Variants in EPS8L2 observed in about 807,000 individuals in gnomAD.
EPS8L2 encodes the protein epidermal growth factor receptor kinase substrate 8-like protein 2.
EPS8L2 carries 81 observed loss-of-function variants against 99.4 expected under a neutral mutation model. The ratio of observed to expected loss-of-function variants is 0.82; its 90% CI spans 0.68 to 0.98. The LOEUF (loss-of-function observed/expected upper bound fraction) is 0.98, where lower values mean the gene tolerates loss of function less well. EPS8L2 is among the 50% of genes least tolerant of loss of function. The probability of loss-of-function intolerance (pLI) is 0.00; values close to 1 mark genes in which losing one functional copy is unlikely to be tolerated. For missense variants in EPS8L2, 1,155 were observed against 968.8 expected (o/e 1.19, Z -2.55); for synonymous variants, 509 against 407.3 (o/e 1.25, Z -3.01).
chr11:710,076 G>C, intron 3 of EPS8L2: 1 of 367,538 alleles, frequency 2.7e-6, no homozygotes, highest in South Asian at 3.0e-5. Flanking sequence ...GGAGAGTGAA[G>C]CTGGCAGCTC....
intron 3 of EPS8L2, chr11:709,883 G>C (rs911491954): frequency 1.8e-6 from 1 of 545,930 alleles, no homozygotes; most frequent in Admixed American, 3.2e-5. Context: ...TGATCACAGC[G>C]AGGTTCAGGC....
In EPS8L2 at chr11:709,588, T is replaced by C. The variant is rs143833069; in HGVS notation, c.80T>C (p.Met27Thr). The C allele has an allele frequency of 2.4e-4, 393 of 1,612,998 alleles. No homozygotes were observed. The highest frequency in any genetic ancestry group is 3.2e-4 in the Non-Finnish European group (379 of 1,179,952). ...GGCCGGTCCGACGGTGTGGCCAAGATGAGCCCCAAGGACCTGTTTGGTGAG... is the reference window on the plus strand; with the variant it reads ...GGCCGGTCCGACGGTGTGGCCAAGACGAGCCCCAAGGACCTGTTTGGTGAG... Reference protein sequence around the residue: ...SLGRSDGVAKMSPKDLFEQRK... With the variant: ...SLGRSDGVAKTSPKDLFEQRK... The change falls in exon 3 of 21, where the codon ATG becomes ACG. Residue 27 changes from methionine to threonine, a missense_variant. By Grantham distance (81) the Met-to-Thr change is moderately conservative (BLOSUM62 -1). Coordinates refer to ENST00000318562, the MANE Select transcript of EPS8L2 (RefSeq NM_022772.4).
At chr11:707,694 G>A (rs1391787668) in intron 1 of EPS8L2, among the ~76,000 whole-genome samples, 1 of 151,942 alleles carries the variant, frequency 6.6e-6, no homozygotes, top group Non-Finnish European at 1.5e-5. Context: ...CCCCACTGCT[G>A]CCCGGCCCTG....
intron 4 of EPS8L2, among the ~76,000 whole-genome samples, chr11:717,534 T>C (rs773002217): frequency 1.2e-4 from 18 of 152,062 alleles, no homozygotes; most frequent in Non-Finnish European, 1.5e-4. Flanking sequence ...TCCTAACCCA[T>C]AAGTAAAACC....
rs1240472280 is a variant in EPS8L2 at position 709,403 on chromosome 11, A to G, written c.-5A>G. On this transcript the variant is annotated 5_prime_UTR_variant, in exon 2 of 21. Coordinates refer to ENST00000318562, the MANE Select transcript of EPS8L2 (RefSeq NM_022772.4). ...CTTCTCCCGCTGGCCGCCACCCAAG[A>G]CACCATGAGCCAGTCCGGGGCCGTG... is the stretch of plus-strand genomic sequence containing the variant. The G allele has an allele frequency of 2.5e-6, 4 of 1,583,268 alleles. No homozygotes were observed. Among genetic ancestry groups the G allele is most frequent in the Non-Finnish European group, 2.6e-6 (3 of 1,166,398 alleles).
chr11:717,152 T>A (rs1401178378), intron 4 of EPS8L2, among the ~76,000 whole-genome samples: 4 of 152,108 alleles, frequency 2.6e-5, no homozygotes, highest in Non-Finnish European at 5.9e-5. Flanking sequence ...AATTTTTGTA[T>A]TTTTAGTAGA....
Position 719,689 on chromosome 11 carries a change from A to G in EPS8L2, c.166-373A>G, listed in dbSNP as rs1459865848. The stretch of plus-strand genomic sequence containing the variant: ...AATTAGGGCAGGTCGGGATGGGGTG[A>G]CGGCTGGCATTGTAGCCAGGTGGCC... On this transcript the variant is annotated intron_variant, in intron 4 of 20. Coordinates refer to ENST00000318562, the MANE Select transcript of EPS8L2 (RefSeq NM_022772.4). 3.3e-5 allele frequency among the ~76,000 whole-genome samples: 5 copies of G among 152,332 alleles called. No homozygotes were observed. In the East Asian group the frequency reaches 9.7e-4, roughly 29 times the overall value.
chr11:717,469 G>A (rs575253193), intron 4 of EPS8L2, among the ~76,000 whole-genome samples: 1 of 152,364 alleles, frequency 6.6e-6, no homozygotes, highest in African/African-American at 2.4e-5. Flanking sequence ...AGGTGCCACT[G>A]GCCTCTCCCC....
At position 721,885 on chromosome 11, in the gene EPS8L2, C is replaced by A; in HGVS notation, c.896-18C>A. ...GAGATCAGGGCCAGCCTGGCTCACG[C>A]GGTGCCTCCCATGCCAGAGGGCGTC... is the stretch of plus-strand genomic sequence containing the variant. On this transcript the variant is annotated intron_variant, in intron 10 of 20. Coordinates refer to ENST00000318562, the MANE Select transcript of EPS8L2 (RefSeq NM_022772.4). 1.3e-6 allele frequency: 2 copies of A among 1,571,344 alleles called. No homozygotes were observed. Among genetic ancestry groups the A allele is most frequent in the Middle Eastern group, 1.8e-4 (1 of 5,466 alleles).
chr11:722,526 G>A lies in EPS8L2; in HGVS notation c.1185G>A (p.Leu395=), dbSNP rs373466148. ...AGGAGATGTCGCTGTGGGAGTCACT[G>A]GGAGAGAGCTGGATGCGGCCCCGGT... ...VPKEMSLWES[L]GESWMRPRSE... The change falls in exon 13 of 21, where the codon CTG becomes CTA. Residue 395 remains leucine (L), a synonymous_variant. Transcript: ENST00000318562. 1.7e-5 allele frequency: 28 copies of A among 1,613,130 alleles called. No individual in the cohort carries two copies. The highest frequency in any genetic ancestry group is 2.7e-5 in the African/African-American group (2 of 74,898).
intron 4 of EPS8L2, among the ~76,000 whole-genome samples, chr11:718,521 T>C (rs911684688): frequency 2.6e-5 from 4 of 151,084 alleles, no homozygotes; most frequent in African/African-American, 4.9e-5. Context: ...GGTCTCTCTC[T>C]GTTGCCCAGG....
chr11:720,966 G>GGGAGGGGAGGAGCCCGGCAGT, intron 7 of EPS8L2, 57 bp downstream of exon 7: 1 of 1,300,350 alleles, frequency 7.7e-7, no homozygotes, highest in South Asian at 1.3e-5. Flanking sequence ...AGCCCGGCAG[G>GGGAGGGGAGGAGCCCGGCAGT]GGAGGGGAGG....
intron 4 of EPS8L2, among the ~76,000 whole-genome samples, chr11:714,820 T>C (rs1213107334): frequency 6.6e-6 from 1 of 152,052 alleles, no homozygotes; most frequent in Non-Finnish European, 1.5e-5. Flanking sequence ...GTTAGGGGTA[T>C]TTTGTGTTGA....
Position 709,459 on chromosome 11 carries a change from C to CCA in EPS8L2, c.44+8_44+9insCA. 1 of 1,576,486 alleles carries CCA rather than the reference C, an allele frequency of 6.3e-7. No individual in the cohort carries two copies. Among genetic ancestry groups the CCA allele is most frequent in the Non-Finnish European group, 8.7e-7 (1 of 1,154,148 alleles). ...CTGCCCGGGTGCCACCAAGTGAGCC[C>CCA]TCCCACCCATCCCGAATACCCCACC... is the stretch of plus-strand genomic sequence containing the variant. On this transcript the variant is annotated intron_variant, in intron 2 of 20. Coordinates refer to ENST00000318562, the MANE Select transcript of EPS8L2 (RefSeq NM_022772.4).
rs1172111862 is a variant in EPS8L2 at position 722,568 on chromosome 11, G to C, written c.1208+19G>C. ...GGCCCCGGTAGGGCAGGGCAGAGCA[G>C]TGCCGGGGCTTCATGGGGGGCCAGC... On this transcript the variant is annotated intron_variant, in intron 13 of 20. Coordinates refer to ENST00000318562, the MANE Select transcript of EPS8L2 (RefSeq NM_022772.4). The C allele has an allele frequency of 6.2e-7, 1 of 1,612,254 alleles. No individual in the cohort carries two copies. The highest frequency in any genetic ancestry group is 1.3e-5 in the African/African-American group (1 of 74,856).
In EPS8L2 at chr11:724,716, C is replaced by T. The variant is rs2133537224; in HGVS notation, c.1455-8C>T. ...AGACTGGGCCTCAGCCCCTCCTGTT[C>T]CTCACAGGGGCTACCAGCCAACACC... On this transcript the variant is annotated splice_region_variant and splice_polypyrimidine_tract_variant and intron_variant, in intron 15 of 20. Coordinates refer to ENST00000318562, the MANE Select transcript of EPS8L2 (RefSeq NM_022772.4). This position sits in a 1 kb window ranked among gnomAD's most constrained non-coding sequence, Gnocchi z 5.5. 2 of 1,606,188 alleles carry T rather than the reference C, an allele frequency of 1.2e-6. No homozygotes were observed. The highest frequency in any genetic ancestry group is 1.7e-5 in the Admixed American group (1 of 60,002).
Position 726,632 on chromosome 11 carries a change from C to T in EPS8L2, c.1948C>T (p.Leu650=), listed in dbSNP as rs1862335230. 3.2e-6 allele frequency: 5 copies of T among 1,553,636 alleles called. No homozygotes were observed. Among genetic ancestry groups the T allele is most frequent in the Non-Finnish European group, 3.5e-6 (4 of 1,149,094 alleles). Residue 650 remains leucine (L), a synonymous_variant, in exon 20 of 21, where the codon CTG becomes TTG. Transcript: ENST00000318562. ...GCCCGCCCCCAGGATCGTGGAGAACCTGGGCATCCTGACCGGGCCGCAGCT... is the reference window on the plus strand; with the variant it reads ...GCCCGCCCCCAGGATCGTGGAGAACTTGGGCATCCTGACCGGGCCGCAGCT... ...KAFSPRIVEN[L]GILTGPQLFS...
chr11:725,766 C>G lies in EPS8L2; in HGVS notation c.1599C>G (p.Ser533Arg). 2 of 1,353,426 alleles carry G rather than the reference C, an allele frequency of 1.5e-6. No homozygotes were observed. Among genetic ancestry groups the G allele is most frequent in the Non-Finnish European group, 1.9e-6 (2 of 1,055,828 alleles). 83.8% of individuals were successfully genotyped at this position (1,353,426 alleles called of 1,614,324 possible). A position where few individuals can be genotyped will look rare whatever the true frequency, so the allele number is the denominator to read the frequency against. Residue 533 changes from serine (S) to arginine (R), a missense_variant, in exon 17 of 21, where the codon AGC (serine) becomes AGG (arginine). Physicochemically the swap from Ser to Arg is moderately radical, Grantham distance 110. Coordinates refer to ENST00000318562, the MANE Select transcript of EPS8L2 (RefSeq NM_022772.4). ...EDGRQWWKLR[S>R]RSGQAGYVPC... ...GCCGGCAGTGGTGGAAGCTGCGCAG[C>G]CGCAGCGGCCAGGCGGGGTACGTGC...
intron 1 of EPS8L2, 21 bp from the exon 2 acceptor site, chr11:709,309 G>T: frequency 7.2e-7 from 1 of 1,383,910 alleles, no homozygotes; most frequent in East Asian, 2.5e-5. Flanking sequence ...AAGTGTCAGC[G>T]CAGCCCTTCT....
Sources: gnomAD v4.1 joint callset for allele counts (sites outside exome capture counted in the v4.1 genomes callset) on GRCh38, gnomAD v4.1.1 for gene constraint, Gnocchi (gnomAD v3.1) non-coding constraint, MANE v1.5 for transcripts, NCBI Gene and HGNC (gene_info 2026-07-23, HGNC 2026-07-21) for gene names.